The following ROR2 variants were observed in gnomAD, a reference collection of about 807,000 sequenced individuals.
ROR2 encodes tyrosine-protein kinase transmembrane receptor ROR2.
ROR2 carries 33 observed loss-of-function variants against 74.9 expected under a neutral mutation model. The observed-to-expected ratio is 0.44, with a 90% CI of 0.33 to 0.59. The LOEUF is 0.59. Among genes scored for constraint, ROR2 ranks in the 20% least tolerant of loss-of-function variants. The pLI is 0.02. For synonymous variants in ROR2, 586 were observed against 558.7 expected (o/e 1.05, Z -0.69); for missense variants, 1,216 against 1,313.8 (o/e 0.93, Z 1.15).
At chr9:91,904,423 A>G (rs1333211073) in intron 1 of ROR2, among the ~76,000 whole-genome samples, 1 of 152,226 alleles carries the variant, frequency 6.6e-6, no homozygotes, top group African/African-American at 2.4e-5. Flanking sequence ...GGCTCAGTCC[A>G]TAAAGGGCTG....
Position 91,723,666 on chromosome 9 carries a change from G to C in ROR2, c.2828C>G (p.Ala943Gly), listed in dbSNP as rs199840505. ...AACCCCGGGCCCTGGTGCCACTCAA[G>C]CTTCCAGCTGGACTTGGGCCTCGTC... ...QVDEAQVQLE[A>G] The change falls in exon 9 of 9, where the codon GCT (alanine) becomes GGT (glycine). Residue 943 changes from alanine to glycine, a missense_variant. Transcript: ENST00000375708. The C allele has an allele frequency of 6.2e-7, 1 of 1,613,620 alleles. No individual in the cohort carries two copies. Among genetic ancestry groups the C allele is most frequent in the Middle Eastern group, 1.7e-4 (1 of 6,002 alleles).
intron 1 of ROR2, among the ~76,000 whole-genome samples, chr9:91,935,839 T>C (rs2117996815): frequency 6.6e-6 from 1 of 152,340 alleles, no homozygotes; most frequent in Admixed American, 6.5e-5. Flanking sequence ...TGGAGACAGA[T>C]GGGCAGCCTA....
chr9:91,765,972 C>T (rs1432677349), intron 2 of ROR2, among the ~76,000 whole-genome samples: 1 of 152,202 alleles, frequency 6.6e-6, no homozygotes, highest in Non-Finnish European at 1.5e-5. Context: ...TTAGTACATC[C>T]AATTCCAAGT....
intron 4 of ROR2, among the ~76,000 whole-genome samples, chr9:91,742,533 TAA>T (rs1186968008): frequency 1.3e-5 from 2 of 152,206 alleles, no homozygotes; most frequent in Non-Finnish European, 2.9e-5. Flanking sequence ...GAGTCTACAA[TAA>T]AAGATTCATT....
chr9:91,767,568 T>C (rs990678818), intron 2 of ROR2, among the ~76,000 whole-genome samples: 1 of 152,224 alleles, frequency 6.6e-6, no homozygotes, highest in African/African-American at 2.4e-5. Flanking sequence ...GAAGGGCACA[T>C]GGAATGGAAA....
At chr9:91,943,335 T>C (rs1322059123) in intron 1 of ROR2, among the ~76,000 whole-genome samples, 3 of 152,092 alleles carry the variant, frequency 2.0e-5, no homozygotes, top group Non-Finnish European at 4.4e-5. Flanking sequence ...GAAATAACTG[T>C]TATGTGTAGA....
intron 1 of ROR2, among the ~76,000 whole-genome samples, chr9:91,909,838 G>GTTTTTTTTTTTTTTTTTTTTATTTTT (rs1278227036): frequency 1.6e-5 from 1 of 63,200 alleles, no homozygotes; most frequent in African/African-American, 6.5e-5. Flanking sequence ...TTTTTTTTAG[G>GTTTTTTTTTTTTTTTTTTTTATTTTT]TTTGTTTTGT....
chr9:91,725,207 A>G, intron 8 of ROR2, 100 bp from the exon 9 acceptor site: 1 of 1,590,786 alleles, frequency 6.3e-7, no homozygotes, highest in Non-Finnish European at 8.5e-7. Flanking sequence ...TGCGGCCACG[A>G]CTAGGGGGGC....
At chr9:91,911,287 G>A (rs1045336995) in intron 1 of ROR2, among the ~76,000 whole-genome samples, 1 of 152,198 alleles carries the variant, frequency 6.6e-6, no homozygotes, top group African/African-American at 2.4e-5. Context: ...GTTGCCATGC[G>A]TGCATCAGAG....
At chr9:91,930,802 G>A (rs865897583) in intron 1 of ROR2, among the ~76,000 whole-genome samples, 14 of 152,178 alleles carry the variant, frequency 9.2e-5, no homozygotes, top group African/African-American at 2.9e-4. Context: ...GGATTCAAAC[G>A]TTTAATGGAT....
Position 91,733,505 on chromosome 9 carries a change from AC to A in ROR2, c.623-70del. 1.3e-6 allele frequency: 2 copies of A among 1,492,380 alleles called. No homozygotes were observed. Among genetic ancestry groups the A allele is most frequent in the African/African-American group, 1.4e-5 (1 of 70,928 alleles). 92.4% of individuals were successfully genotyped at this position (1,492,380 alleles called of 1,614,324 possible). A position where few individuals can be genotyped will look rare whatever the true frequency, so the allele number is the denominator to read the frequency against. Reference sequence around the variant, plus strand: ...CGCCCTTGACATTCATCCAGTCCCCACCCCCAGCCTGGCATCCCAGACTGCC... The same window carrying A: ...CGCCCTTGACATTCATCCAGTCCCCACCCCAGCCTGGCATCCCAGACTGCC... On this transcript the variant is annotated intron_variant, in intron 5 of 8. Transcript: ENST00000375708. This position sits in a 1 kb window ranked among gnomAD's most constrained non-coding sequence, Gnocchi z 5.7.
chr9:91,802,829 G>A (rs1003880630), intron 1 of ROR2, among the ~76,000 whole-genome samples: 2 of 152,056 alleles, frequency 1.3e-5, no homozygotes, highest in East Asian at 1.9e-4. Flanking sequence ...AGAGGAAGGC[G>A]AAAGGCATTC....
chr9:91,777,347 C>A (rs1415984116), intron 1 of ROR2, among the ~76,000 whole-genome samples: 1 of 151,870 alleles, frequency 6.6e-6, no homozygotes, highest in African/African-American at 2.4e-5. Context: ...ACCACCTTTC[C>A]TCCAAAATAA....
rs115637381 is a variant in ROR2, at chr9:91,872,979, A to G, written c.97+76888T>C. On this transcript the variant is annotated intron_variant, in intron 1 of 8. Coordinates refer to ENST00000375708, the MANE Select transcript of ROR2 (RefSeq NM_004560.4). The stretch of plus-strand genomic sequence containing the variant: ...TTTAACTCTGTAAAAGAACCTAAGT[A>G]CAGTTTCTCTGAAATTCTTAAACTT... Among the ~76,000 whole-genome samples the G allele has an allele frequency of 4.7e-3, 721 of 152,348 alleles. 4 individuals are homozygous for G. The highest frequency in any genetic ancestry group is 0.017 in the African/African-American group (697 of 41,578).
At chr9:91,889,257 TGAG>T (rs1204864034) in intron 1 of ROR2, among the ~76,000 whole-genome samples, 2 of 152,048 alleles carry the variant, frequency 1.3e-5, no homozygotes, top group Non-Finnish European at 2.9e-5. Context: ...AAGCCCTGAG[TGAG>T]GACAGGGACA....
intron 7 of ROR2, among the ~76,000 whole-genome samples, chr9:91,728,792 G>A (rs1459787523): frequency 6.6e-6 from 1 of 151,936 alleles, no homozygotes; most frequent in Non-Finnish European, 1.5e-5. Flanking sequence ...TGTTTTTTTG[G>A]CAGAATAAAA....
chr9:91,925,197 G>A (rs1831364152), intron 1 of ROR2, among the ~76,000 whole-genome samples: 1 of 152,034 alleles, frequency 6.6e-6, no homozygotes, highest in South Asian at 2.1e-4. Context: ...TGATGCCAGT[G>A]GTCCAGAGAC....
intron 1 of ROR2, among the ~76,000 whole-genome samples, chr9:91,918,129 G>A (rs895068236): frequency 6.6e-5 from 10 of 152,158 alleles, no homozygotes; most frequent in East Asian, 1.9e-4. Context: ...TCAGCTGTGC[G>A]TGGTGGCAGG....
At chr9:91,825,447 TACTTGTGAAACCATCCTGAGATCTTGC>T (rs1828257977) in intron 1 of ROR2, among the ~76,000 whole-genome samples, 1 of 152,192 alleles carries the variant, frequency 6.6e-6, no homozygotes, top group South Asian at 2.1e-4. Context: ...GAGTGCAATG[TACTTGTGAAACCATCCTGAGATCTTGC>T]ACTTGGAAGA....
Sources: gnomAD v4.1 joint callset for allele counts (sites outside exome capture counted in the v4.1 genomes callset) on GRCh38, gnomAD v4.1.1 for gene constraint, Gnocchi (gnomAD v3.1) non-coding constraint, MANE v1.5 for transcripts, NCBI Gene and HGNC (gene_info 2026-07-23, HGNC 2026-07-21) for gene names.